Variants in KLHL29 observed in about 807,000 individuals in gnomAD.
The protein encoded by KLHL29 is kelch-like protein 29.
In KLHL29, 21 loss-of-function variants were observed where a neutral mutation model predicts 80.4. The observed-to-expected ratio is 0.26, with a 90% confidence interval of 0.19 to 0.38. The LOEUF is 0.38. KLHL29 is among the 10% of genes least tolerant of loss of function. The pLI is 1.00. For missense variants in KLHL29, 867 were observed against 1,223.9 expected, an observed-to-expected ratio of 0.71 and a Z score of 4.35; for synonymous variants, 511 against 526.8, an observed-to-expected ratio of 0.97 and a Z score of 0.41.
intron 1 of KLHL29, among the ~76,000 whole-genome samples, chr2:23,422,408 T>C (rs1011313897): frequency 6.6e-6 from 1 of 151,726 alleles, no homozygotes; most frequent in African/African-American, 2.4e-5. Flanking sequence ...TGCCTATGTG[T>C]CTGTGTTGTG....
In KLHL29 at chr2:23,680,329, T is replaced by G. The variant is rs1432269041; in HGVS notation, c.941-4070T>G. ...TTCCACGGGAAGAGGAGCTCCATGC[T>G]GGGCGCTGAGTCGAGCATCCTGGGC... On this transcript the variant is annotated intron_variant, in intron 5 of 13. Coordinates refer to ENST00000486442, the MANE Select transcript of KLHL29 (RefSeq NM_052920.2). The surrounding 1 kb of genome is among the most constrained non-coding windows in gnomAD (Gnocchi z 4.1). 6.6e-6 allele frequency among the ~76,000 whole-genome samples: 1 copy of G among 151,980 alleles called. No homozygotes were observed. The highest frequency in any genetic ancestry group is 1.5e-5 in the Non-Finnish European group (1 of 67,982).
chr2:23,583,357 C>T lies in KLHL29; in HGVS notation c.285+20876C>T, dbSNP rs185747548. On this transcript the variant is annotated intron_variant, in intron 3 of 13. Coordinates refer to ENST00000486442, the MANE Select transcript of KLHL29 (RefSeq NM_052920.2). Reference sequence around the variant, plus strand: ...TGCTCTTGATGCTGTGAGTTTAATCCAGGAGCAGCAGGCTGACCTGCTGAC... The same window carrying T: ...TGCTCTTGATGCTGTGAGTTTAATCTAGGAGCAGCAGGCTGACCTGCTGAC... 2.8e-3 allele frequency among the ~76,000 whole-genome samples: 431 copies of T among 152,308 alleles called. 1 individual carries two copies. Among genetic ancestry groups the T allele is most frequent in the South Asian group, 5.6e-3 (27 of 4,824 alleles).
intron 1 of KLHL29, among the ~76,000 whole-genome samples, chr2:23,443,758 G>C (rs955696609): frequency 2.0e-5 from 3 of 152,234 alleles, no homozygotes; most frequent in Non-Finnish European, 4.4e-5. Flanking sequence ...GTCCCCTGTA[G>C]TTGACTTGGT....
intron 5 of KLHL29, among the ~76,000 whole-genome samples, chr2:23,677,755 G>A (rs896908104): frequency 1.4e-4 from 22 of 152,342 alleles, no homozygotes; most frequent in African/African-American, 3.1e-4. Flanking sequence ...GTCAGCATGC[G>A]TCGCGCTCCC....
rs1166651901 is a variant in KLHL29 at position 23,562,262 on chromosome 2, C to T, written c.66C>T (p.Ser22=). ...YRVGWDRREW[S]VNGTHGTTSI... ...TGGGCTGGGACCGCCGCGAATGGAG[C>T]GTCAACGGGACGCATGGGACCACCA... Residue 22 remains serine, a synonymous_variant, in exon 3 of 14, where the codon AGC becomes AGT. Transcript: ENST00000486442. The surrounding 1 kb of genome is among the most constrained non-coding windows in gnomAD (Gnocchi z 4.5). 7 of 1,549,964 alleles carry T rather than the reference C, an allele frequency of 4.5e-6. No individual in the cohort carries two copies. The highest frequency in any genetic ancestry group is 6.1e-6 in the Non-Finnish European group (7 of 1,146,642).
intron 5 of KLHL29, among the ~76,000 whole-genome samples, chr2:23,645,100 C>G (rs761258546): frequency 2.0e-5 from 3 of 152,172 alleles, no homozygotes; most frequent in Admixed American, 6.5e-5. Context: ...CAAACTCAAG[C>G]CTGGGTGGGT....
intron 6 of KLHL29, chr2:23,690,544 C>CGA (rs1176091051): frequency 6.6e-6 from 1 of 152,280 alleles, no homozygotes; most frequent in Non-Finnish European, 1.5e-5. Context: ...TCCTGAGAAG[C>CGA]GAGTGAGTGG....
At chr2:23,616,647 C>A (rs1669013528) in intron 3 of KLHL29, 2 of 152,194 alleles carry the variant, frequency 1.3e-5, no homozygotes, top group Non-Finnish European at 2.9e-5. Context: ...GGGTCATGGG[C>A]TTGGCACCCA....
intron 2 of KLHL29, among the ~76,000 whole-genome samples, chr2:23,554,627 G>A (rs1383603201): frequency 7.2e-5 from 11 of 152,156 alleles, no homozygotes; most frequent in East Asian, 1.9e-4. Flanking sequence ...GTGTGTCACC[G>A]GACACAGATG....
rs1175470842 is a variant in KLHL29 at position 23,390,433 on chromosome 2, T to C, written c.-154+4653T>C. Reference sequence around the variant, plus strand: ...CCGCTAGGCCATTTACAGGCTGCCATTGGCCTCACAGGTGTCTATTGTTAT... The same window carrying C: ...CCGCTAGGCCATTTACAGGCTGCCACTGGCCTCACAGGTGTCTATTGTTAT... On this transcript the variant is annotated intron_variant, in intron 1 of 13. Coordinates refer to ENST00000486442, the MANE Select transcript of KLHL29 (RefSeq NM_052920.2). 2.0e-5 allele frequency among the ~76,000 whole-genome samples: 3 copies of C among 152,152 alleles called. 1 individual carries two copies. The highest frequency in any genetic ancestry group is 2.0e-4 in the Admixed American group (3 of 15,268).
chr2:23,590,955 G>T (rs1668244254), intron 3 of KLHL29, among the ~76,000 whole-genome samples: 1 of 152,184 alleles, frequency 6.6e-6, no homozygotes, highest in South Asian at 2.1e-4. Flanking sequence ...CATGCTAATG[G>T]GTGAAAGCCG....
intron 8 of KLHL29, among the ~76,000 whole-genome samples, chr2:23,694,111 CA>C: frequency 6.6e-6 from 1 of 152,366 alleles, no homozygotes; most frequent in South Asian, 2.1e-4. Flanking sequence ...ATCTGTGTCT[CA>C]GGCTGAAACC....
At position 23,497,184 on chromosome 2, in the gene KLHL29, G is replaced by A. The variant is rs113452717; in HGVS notation, c.-46+21517G>A. Reference sequence around the variant, plus strand: ...CTGCCTTCAGTCGGTGGGTATTTCCGCTGGGTTGGTTGCTTTCTTGGCAAC... The same window carrying A: ...CTGCCTTCAGTCGGTGGGTATTTCCACTGGGTTGGTTGCTTTCTTGGCAAC... On this transcript the variant is annotated intron_variant, in intron 2 of 13. Coordinates refer to ENST00000486442, the MANE Select transcript of KLHL29 (RefSeq NM_052920.2). 5.6e-3 allele frequency among the ~76,000 whole-genome samples: 856 copies of A among 152,186 alleles called. 9 individuals are homozygous for A. The highest frequency in any genetic ancestry group is 0.019 in the African/African-American group (781 of 41,508).
At chr2:23,552,601 CAT>C (rs1667156467) in intron 2 of KLHL29, among the ~76,000 whole-genome samples, 2 of 152,146 alleles carry the variant, frequency 1.3e-5, no homozygotes, top group Middle Eastern at 6.8e-3. Flanking sequence ...GACCTGGGAA[CAT>C]GTGCAGGTTT....
intron 5 of KLHL29, among the ~76,000 whole-genome samples, chr2:23,679,216 T>G (rs1246040039): frequency 6.6e-6 from 1 of 152,196 alleles, no homozygotes; most frequent in Non-Finnish European, 1.5e-5. Context: ...TAAAATTGAG[T>G]GTTTTAAAAA....
intron 1 of KLHL29, among the ~76,000 whole-genome samples, chr2:23,438,150 A>G (rs1312145421): frequency 6.7e-6 from 1 of 150,204 alleles, no homozygotes; most frequent in East Asian, 1.9e-4. Flanking sequence ...TGATTTTTGT[A>G]CATTGATTTT....
intron 2 of KLHL29, among the ~76,000 whole-genome samples, chr2:23,558,021 C>T (rs545416478): frequency 3.3e-5 from 5 of 152,216 alleles, no homozygotes; most frequent in Admixed American, 1.3e-4. Context: ...GTTGCCATGA[C>T]GAGCGAAGGG....
At chr2:23,441,714 A>G (rs1333068356) in intron 1 of KLHL29, among the ~76,000 whole-genome samples, 2 of 151,980 alleles carry the variant, frequency 1.3e-5, no homozygotes, top group African/African-American at 4.8e-5. Flanking sequence ...TTGACTGGGA[A>G]CTCAACTGCT....
At chr2:23,655,235 G>A (rs1009637090) in intron 5 of KLHL29, among the ~76,000 whole-genome samples, 3 of 152,206 alleles carry the variant, frequency 2.0e-5, no homozygotes, top group Non-Finnish European at 1.5e-5. Flanking sequence ...AGTCCTTCCT[G>A]TTGCTGCGTC....
Sources: gnomAD v4.1 joint callset for allele counts (sites outside exome capture counted in the v4.1 genomes callset) on GRCh38, gnomAD v4.1.1 for gene constraint, Gnocchi (gnomAD v3.1) non-coding constraint, MANE v1.5 for transcripts, NCBI Gene and HGNC (gene_info 2026-07-23, HGNC 2026-07-21) for gene names.